Variants in SLC35F1 observed in about 807,000 individuals in gnomAD.
SLC35F1 encodes the protein chromosome 6 open reading frame 169.
In SLC35F1, 14 loss-of-function variants were observed where a neutral mutation model predicts 48.7. The observed-to-expected ratio is 0.29, with a 90% CI of 0.19 to 0.45. SLC35F1 has a LOEUF of 0.45. Among genes scored for constraint, SLC35F1 ranks in the 20% least tolerant of loss-of-function variants. The pLI is 1.00. For synonymous variants in SLC35F1, 190 were observed against 202.2 expected (o/e 0.94, Z 0.51); for missense variants, 404 against 500.0 (o/e 0.81, Z 1.83).
At chr6:117,919,945 G>T (rs1303251956) in intron 1 of SLC35F1, among the ~76,000 whole-genome samples, 2 of 152,258 alleles carry the variant, frequency 1.3e-5, no homozygotes, top group East Asian at 1.9e-4. Context: ...CAAAACGAGC[G>T]TGGGCCTAAA....
chr6:118,286,727 C>A (rs1344773867), intron 7 of SLC35F1, among the ~76,000 whole-genome samples: 3 of 151,982 alleles, frequency 2.0e-5, no homozygotes, highest in Admixed American at 2.0e-4. Flanking sequence ...GAAATGTTCA[C>A]CACAATCAAG....
chr6:118,220,762 T>C (rs1775136557), intron 2 of SLC35F1, among the ~76,000 whole-genome samples: 1 of 152,208 alleles, frequency 6.6e-6, no homozygotes, highest in African/African-American at 2.4e-5. Context: ...AAATCTGATG[T>C]AGTCAAGAAG....
chr6:118,131,058 G>A (rs2114421981), intron 1 of SLC35F1, among the ~76,000 whole-genome samples: 1 of 152,246 alleles, frequency 6.6e-6, no homozygotes, highest in African/African-American at 2.4e-5. Context: ...GGCTAAAGTA[G>A]AAGGTTGGGC....
At chr6:117,919,274 G>A (rs1054587970) in intron 1 of SLC35F1, among the ~76,000 whole-genome samples, 12 of 152,120 alleles carry the variant, frequency 7.9e-5, no homozygotes, top group Admixed American at 1.3e-4. Context: ...AGCCTGTGTC[G>A]TATGTTTTGT....
intron 7 of SLC35F1, among the ~76,000 whole-genome samples, chr6:118,310,388 G>T (rs911297386): frequency 1.3e-5 from 2 of 152,026 alleles, no homozygotes; most frequent in African/African-American, 4.8e-5. Flanking sequence ...CTGGTTGATT[G>T]GTTTTTTAAA....
chr6:118,278,669 A>ACAGGG (rs1445972663), intron 6 of SLC35F1, among the ~76,000 whole-genome samples: 3 of 152,234 alleles, frequency 2.0e-5, no homozygotes, highest in Non-Finnish European at 2.9e-5. Context: ...ATGAAAATCA[A>ACAGGG]CAGGGCAAGG....
intron 1 of SLC35F1, among the ~76,000 whole-genome samples, chr6:118,150,056 C>G (rs1774032813): frequency 6.6e-6 from 1 of 152,128 alleles, no homozygotes; most frequent in South Asian, 2.1e-4. Context: ...AGTTTGCATC[C>G]AAACTCTTCC....
At chr6:118,115,165 G>A (rs762466040) in intron 1 of SLC35F1, among the ~76,000 whole-genome samples, 13 of 152,104 alleles carry the variant, frequency 8.5e-5, no homozygotes, top group Non-Finnish European at 1.8e-4. Context: ...TGAGCTTGTC[G>A]AAGTGCCCCC....
chr6:118,156,442 C>G (rs1774142643), intron 2 of SLC35F1, among the ~76,000 whole-genome samples: 1 of 151,904 alleles, frequency 6.6e-6, no homozygotes, highest in Non-Finnish European at 1.5e-5. Flanking sequence ...GCAAATACCG[C>G]ATGTTCTCAC....
intron 1 of SLC35F1, among the ~76,000 whole-genome samples, chr6:117,923,501 ATATATACACATACATGTG>A (rs1409849414): frequency 3.6e-4 from 1 of 2,740 alleles, no homozygotes; most frequent in Non-Finnish European, 1.3e-3. Context: ...TATAAAATAT[ATATATACACATACATGTG>A]TATATACACA....
intron 2 of SLC35F1, among the ~76,000 whole-genome samples, chr6:118,190,286 C>A (rs770914297): frequency 5.0e-4 from 76 of 152,250 alleles, no homozygotes; most frequent in Admixed American, 3.3e-3. Context: ...AAAAACAAAA[C>A]CTGGTCTGTT....
At chr6:117,985,221 T>C (rs1776833682) in intron 1 of SLC35F1, among the ~76,000 whole-genome samples, 1 of 152,216 alleles carries the variant, frequency 6.6e-6, no homozygotes, top group African/African-American at 2.4e-5. Context: ...AGCAAACTGA[T>C]GTGAGTATAG....
chr6:118,255,682 G>A (rs1459154373), intron 3 of SLC35F1, among the ~76,000 whole-genome samples: 1 of 152,084 alleles, frequency 6.6e-6, no homozygotes, highest in Non-Finnish European at 1.5e-5. Context: ...TGGCACAAGG[G>A]GACATATACA....
intron 1 of SLC35F1, among the ~76,000 whole-genome samples, chr6:117,957,130 A>G (rs1374651797): frequency 6.6e-6 from 1 of 152,026 alleles, no homozygotes; most frequent in Non-Finnish European, 1.5e-5. Flanking sequence ...GCGTGTCATC[A>G]TTTTTTCTTC....
Position 118,316,130 on chromosome 6 carries a change from A to G in SLC35F1, c.*1878A>G, listed in dbSNP as rs981236567. ...ATCCCAGAGTGCCTGTACAAGGCCT[A>G]AATCTGGCAGGCAAAAGCATCCCAC... is the stretch of plus-strand genomic sequence containing the variant. On this transcript the variant is annotated 3_prime_UTR_variant, in exon 8 of 8. Transcript: ENST00000360388. The G allele has an allele frequency of 9.2e-5, 14 of 152,218 alleles. No individual in the cohort carries two copies. Among genetic ancestry groups the G allele is most frequent in the African/African-American group, 3.4e-4 (14 of 41,456 alleles). The allele number at this position is 152,218 out of a possible 1,614,324, so 9.4% of individuals were successfully genotyped here.
At chr6:118,039,820 T>G (rs1416151503) in intron 1 of SLC35F1, among the ~76,000 whole-genome samples, 1 of 147,926 alleles carries the variant, frequency 6.8e-6, no homozygotes, top group African/African-American at 2.5e-5. Flanking sequence ...TTTTTTTTTT[T>G]GCTTCAGACT....
At chr6:118,091,986 G>C (rs1440487784) in intron 1 of SLC35F1, among the ~76,000 whole-genome samples, 2 of 152,170 alleles carry the variant, frequency 1.3e-5, no homozygotes, top group African/African-American at 2.4e-5. Context: ...TCTGGCAGAA[G>C]AAATTTCTAA....
intron 1 of SLC35F1, among the ~76,000 whole-genome samples, chr6:117,992,349 T>A (rs964435064): frequency 6.6e-6 from 1 of 152,206 alleles, no homozygotes; most frequent in African/African-American, 2.4e-5. Flanking sequence ...TATGATTCTG[T>A]ATTCTTTATT....
intron 1 of SLC35F1, among the ~76,000 whole-genome samples, chr6:118,047,121 G>A (rs1373075073): frequency 6.6e-6 from 1 of 152,116 alleles, no homozygotes; most frequent in African/African-American, 2.4e-5. Context: ...AAGACAAGAA[G>A]CTATGGATAA....
Sources: allele counts gnomAD v4.1 joint callset (sites outside exome capture counted in the v4.1 genomes callset), GRCh38; gene constraint gnomAD v4.1.1; transcripts MANE v1.5; gene names NCBI Gene and HGNC (gene_info 2026-07-23, HGNC 2026-07-21).